Variants in ADGRV1 observed in about 807,000 individuals in gnomAD.
ADGRV1 encodes the protein G-protein coupled receptor 98.
ADGRV1 carries 359 observed loss-of-function variants against 596.2 expected under a neutral mutation model. That is an observed-to-expected ratio of 0.60 (90% confidence interval 0.55 to 0.66). The LOEUF (loss-of-function observed/expected upper bound fraction) is 0.66, where lower values mean the gene tolerates loss of function less well. Among genes scored for constraint, ADGRV1 ranks in the 30% least tolerant of loss-of-function variants. The pLI, the probability that ADGRV1 is intolerant of heterozygous loss-of-function variation, is 0.00. For missense variants in ADGRV1, 7,274 were observed against 7,575.6 expected, an observed-to-expected ratio of 0.96 and a Z score of 1.48; for synonymous variants, 2,681 against 2,679.2, an observed-to-expected ratio of 1.00 and a Z score of -0.02.
At chr5:90,862,300 A>G (rs1324270926) in intron 82 of ADGRV1, among the ~76,000 whole-genome samples, 1 of 70,358 alleles carries the variant, frequency 1.4e-5, no homozygotes, top group African/African-American at 5.8e-5. Context: ...ATTTGTGATC[A>G]TGTGCCTTAA....
chr5:91,100,029 A>G (rs1056660839), intron 86 of ADGRV1, among the ~76,000 whole-genome samples: 4 of 152,210 alleles, frequency 2.6e-5, no homozygotes, highest in Admixed American at 2.6e-4. Context: ...ATCTTGGGCC[A>G]AAAAGCAAAC....
In ADGRV1 at chr5:90,810,765, A is replaced by T. The variant is rs770347536; in HGVS notation, c.15505A>T (p.Ile5169Phe). The change falls in exon 74 of 90, where the codon ATT (isoleucine) becomes TTT (phenylalanine). Residue 5169 changes from isoleucine to phenylalanine, a missense_variant. Physicochemically the swap from Ile to Phe is conservative, Grantham distance 21 (BLOSUM62 0). Transcript: ENST00000405460. ...TYLSTSKTTT[I>F]LQPTNVVAIV... ...CCTCAGCACAAGCAAGACGACTACC[A>T]TTCTGCAGCCAACCAACGTGGTTGC... is the stretch of plus-strand genomic sequence containing the variant. The T allele has an allele frequency of 1.9e-6, 3 of 1,613,854 alleles. No homozygotes were observed. In the East Asian group the frequency reaches 6.7e-5, roughly 36 times the overall value.
At chr5:90,630,664 A>T (rs1490266769) in intron 9 of ADGRV1, among the ~76,000 whole-genome samples, 2 of 152,232 alleles carry the variant, frequency 1.3e-5, no homozygotes, top group East Asian at 3.8e-4. Context: ...ACTGAAGTAT[A>T]TAGCAAATGA....
At chr5:90,743,581 C>T (rs1008392538) in intron 50 of ADGRV1, among the ~76,000 whole-genome samples, 10 of 151,298 alleles carry the variant, frequency 6.6e-5, no homozygotes, top group Middle Eastern at 6.8e-3. Flanking sequence ...ACGCCATTCT[C>T]CTGTCTCAGC....
In ADGRV1 at chr5:91,068,709, C is replaced by T. The variant is rs143203534; in HGVS notation, c.18153-3738C>T. Among the ~76,000 whole-genome samples the T allele has an allele frequency of 5.8e-4, 88 of 152,054 alleles. 1 individual carries two copies. In the East Asian group the frequency reaches 0.015, roughly 25 times the overall value. ...AATATTGTTCAAATGGCCATACTAC[C>T]CAAAGCAATCTACAGAGTCAATGCT... On this transcript the variant is annotated intron_variant, in intron 85 of 89. Coordinates refer to ENST00000405460, the MANE Select transcript of ADGRV1 (RefSeq NM_032119.4).
At chr5:90,726,407 T>C (rs1751786524) in intron 48 of ADGRV1, among the ~76,000 whole-genome samples, 1 of 152,220 alleles carries the variant, frequency 6.6e-6, no homozygotes, top group Non-Finnish European at 1.5e-5. Flanking sequence ...CATTCCCTTC[T>C]AGTTTTCATT....
intron 87 of ADGRV1, among the ~76,000 whole-genome samples, chr5:91,105,643 T>C (rs1270099140): frequency 6.6e-6 from 1 of 152,192 alleles, no homozygotes; most frequent in African/African-American, 2.4e-5. Flanking sequence ...GTTCAGATCA[T>C]TTGCCTGTTT....
chr5:90,726,354 T>C (rs1751779012), intron 48 of ADGRV1, among the ~76,000 whole-genome samples: 1 of 152,192 alleles, frequency 6.6e-6, no homozygotes, highest in South Asian at 2.1e-4. Context: ...AGCCTAAATG[T>C]TCTAGCTTCA....
chr5:90,886,077 C>T (rs1166488208), intron 83 of ADGRV1, among the ~76,000 whole-genome samples: 1 of 152,152 alleles, frequency 6.6e-6, no homozygotes, highest in Non-Finnish European at 1.5e-5. Flanking sequence ...GATCCTGTTG[C>T]TGACATAATC....
intron 89 of ADGRV1, among the ~76,000 whole-genome samples, chr5:91,161,977 GA>G (rs1352997297): frequency 6.6e-6 from 1 of 152,182 alleles, no homozygotes; most frequent in Non-Finnish European, 1.5e-5. Context: ...CAATGGTTGG[GA>G]TACATCTATT....
chr5:90,643,914 A>C lies in ADGRV1; in HGVS notation c.2665A>C (p.Ile889Leu), dbSNP rs756026622. The change falls in exon 14 of 90, where the codon ATT (isoleucine) becomes CTT (leucine). Residue 889 changes from isoleucine (I) to leucine (L), a missense_variant. This residue lies in a region of ADGRV1 where 1,715 missense variants were observed against 1,708.8 expected (regional missense o/e 1.00). Transcript: ENST00000405460. ...TILKNDDPHG[I>L]IEFVSDGLIV... is the part of the protein sequence containing the mutation. ...TCTGAAAAATGATGATCCTCATGGCATTATAGAATTTGTTTCTGATGGTCT... is the reference window on the plus strand; with the variant it reads ...TCTGAAAAATGATGATCCTCATGGCCTTATAGAATTTGTTTCTGATGGTCT... 3.1e-6 allele frequency: 5 copies of C among 1,612,324 alleles called. No individual in the cohort carries two copies. The African/African-American group carries it at 5.3e-5, about 17-fold the overall frequency.
At chr5:90,872,792 G>A (rs1768821197) in intron 83 of ADGRV1, among the ~76,000 whole-genome samples, 1 of 152,094 alleles carries the variant, frequency 6.6e-6, no homozygotes, top group Admixed American at 6.5e-5. Flanking sequence ...GGAGCCCTCA[G>A]AGACCCCGGT....
intron 6 of ADGRV1, 51 bp downstream of exon 6, chr5:90,625,294 C>CTGTGTCCTGCA: frequency 3.4e-6 from 4 of 1,165,062 alleles, no homozygotes; most frequent in Non-Finnish European, 5.1e-6. Context: ...TGTTGCAGGA[C>CTGTGTCCTGCA]ACAGTCCTGT....
At chr5:90,991,588 A>G (rs2151073207) in intron 85 of ADGRV1, among the ~76,000 whole-genome samples, 1 of 152,224 alleles carries the variant, frequency 6.6e-6, no homozygotes, top group Middle Eastern at 3.4e-3. Context: ...CTAGTTTTTT[A>G]GTATTTCAGT....
intron 83 of ADGRV1, among the ~76,000 whole-genome samples, chr5:90,889,325 T>C (rs929101168): frequency 1.2e-4 from 18 of 152,156 alleles, no homozygotes; most frequent in Non-Finnish European, 2.9e-5. Context: ...AAAGTGAACC[T>C]ACTCTGTGGA....
At chr5:90,670,761 A>G (rs543424104) in intron 21 of ADGRV1, among the ~76,000 whole-genome samples, 1 of 152,326 alleles carries the variant, frequency 6.6e-6, no homozygotes, top group African/African-American at 2.4e-5. Flanking sequence ...GTACTTCTCA[A>G]TAAACCATTT....
intron 83 of ADGRV1, among the ~76,000 whole-genome samples, chr5:90,904,046 C>T (rs1288233464): frequency 6.6e-6 from 1 of 152,036 alleles, no homozygotes; most frequent in African/African-American, 2.4e-5. Flanking sequence ...GCTTATTTCA[C>T]TTAACATAGT....
chr5:90,861,456 CGTG>C, intron 82 of ADGRV1, among the ~76,000 whole-genome samples: 1 of 151,888 alleles, frequency 6.6e-6, no homozygotes. Context: ...ACTACAGGTG[CGTG>C]CCACCATGCC....
intron 83 of ADGRV1, among the ~76,000 whole-genome samples, chr5:90,916,168 T>A (rs919523012): frequency 4.5e-5 from 4 of 88,666 alleles, no homozygotes; most frequent in Non-Finnish European, 8.4e-5. Flanking sequence ...TTTTATGGAT[T>A]TTTTTTTTTC....
Sources: gnomAD v4.1 joint callset for allele counts (sites outside exome capture counted in the v4.1 genomes callset) on GRCh38, gnomAD v4.1.1 for gene constraint, gnomAD v4.1.1 regional missense constraint, MANE v1.5 for transcripts, NCBI Gene and HGNC (gene_info 2026-07-23, HGNC 2026-07-21) for gene names.